The following FMNL2 variants were observed in gnomAD, a reference collection of about 807,000 sequenced individuals.
The protein encoded by FMNL2 is formin like 2.
In FMNL2, 51 loss-of-function variants were observed where a neutral mutation model predicts 130.2. The ratio of observed to expected loss-of-function variants is 0.39; its 90% CI spans 0.31 to 0.49. FMNL2 has a LOEUF of 0.49. Ranked by LOEUF, FMNL2 falls within the 20% of genes least tolerant of loss-of-function variation. FMNL2 has a pLI of 0.85. For synonymous variants in FMNL2, 465 were observed against 467.1 expected (o/e 1.00, Z 0.06); for missense variants, 977 against 1,316.2 (o/e 0.74, Z 3.99).
chr2:152,418,394 T>C (rs556775955), intron 1 of FMNL2, among the ~76,000 whole-genome samples: 1 of 152,298 alleles, frequency 6.6e-6, no homozygotes, highest in South Asian at 2.1e-4. Flanking sequence ...ATCTTCACCG[T>C]CTGTGTCCAG....
chr2:152,632,249 A>G, intron 21 of FMNL2, 112 bp downstream of exon 21: 1 of 1,420,906 alleles, frequency 7.0e-7, no homozygotes, highest in Non-Finnish European at 9.5e-7. Context: ...GCCAAGGCTA[A>G]GAAGTCAGAC....
intron 1 of FMNL2, among the ~76,000 whole-genome samples, chr2:152,361,932 T>C (rs900822216): frequency 5.9e-5 from 9 of 152,218 alleles, no homozygotes; most frequent in African/African-American, 1.4e-4. Flanking sequence ...ATGCCAACCA[T>C]ACCTATAAAT....
chr2:152,623,349 A>T (rs1008218378), intron 15 of FMNL2, among the ~76,000 whole-genome samples: 1 of 152,226 alleles, frequency 6.6e-6, no homozygotes, highest in East Asian at 1.9e-4. Flanking sequence ...CATCGAGAAC[A>T]TCTGTTTTCC....
chr2:152,484,470 T>A (rs1031483844), intron 1 of FMNL2, among the ~76,000 whole-genome samples: 1 of 150,686 alleles, frequency 6.6e-6, no homozygotes. Flanking sequence ...CAAGACTGTG[T>A]CTCTTGAAAA....
intron 1 of FMNL2, among the ~76,000 whole-genome samples, chr2:152,487,565 A>C (rs1225780434): frequency 6.6e-6 from 1 of 152,242 alleles, no homozygotes; most frequent in African/African-American, 2.4e-5. Context: ...TTAACTTAAA[A>C]GTGGAACCAA....
chr2:152,356,193 A>G (rs1204321590), intron 1 of FMNL2, among the ~76,000 whole-genome samples: 1 of 152,104 alleles, frequency 6.6e-6, no homozygotes, highest in Non-Finnish European at 1.5e-5. Flanking sequence ...CTGGAGTGCA[A>G]TGGCACATGG....
At chr2:152,480,705 T>C (rs1433068214) in intron 1 of FMNL2, among the ~76,000 whole-genome samples, 1 of 149,996 alleles carries the variant, frequency 6.7e-6, no homozygotes, top group Non-Finnish European at 1.5e-5. Context: ...AAAAAAAACT[T>C]TGGGGATAAT....
intron 21 of FMNL2, 133 bp downstream of exon 21, chr2:152,632,270 G>T: frequency 8.4e-7 from 1 of 1,197,270 alleles, no homozygotes. Flanking sequence ...ACACTGAGCT[G>T]GAACACATCG....
chr2:152,431,408 CA>C (rs1371331264), intron 1 of FMNL2, among the ~76,000 whole-genome samples: 1 of 152,154 alleles, frequency 6.6e-6, no homozygotes, highest in Non-Finnish European at 1.5e-5. Flanking sequence ...GTTGCATGTA[CA>C]TGGTTAATCC....
At chr2:152,522,101 C>G in intron 2 of FMNL2, 75 bp downstream of exon 2, 4 of 1,190,042 alleles carry the variant, frequency 3.4e-6, no homozygotes, top group Non-Finnish European at 4.8e-6. Flanking sequence ...TATGGTATGT[C>G]AATATCATGA....
At chr2:152,446,350 A>G (rs1688336628) in intron 1 of FMNL2, among the ~76,000 whole-genome samples, 1 of 152,232 alleles carries the variant, frequency 6.6e-6, no homozygotes, top group Non-Finnish European at 1.5e-5. Flanking sequence ...TCAAAAGCAT[A>G]TTGGAATATT....
At chr2:152,446,990 G>C (rs1337283459) in intron 1 of FMNL2, among the ~76,000 whole-genome samples, 1 of 152,062 alleles carries the variant, frequency 6.6e-6, no homozygotes, top group Non-Finnish European at 1.5e-5. Flanking sequence ...AAACTTTTCT[G>C]GGTGGCCCAG....
intron 1 of FMNL2, among the ~76,000 whole-genome samples, chr2:152,363,743 G>A (rs1287953725): frequency 6.6e-6 from 1 of 152,016 alleles, no homozygotes; most frequent in Admixed American, 6.6e-5. Flanking sequence ...TGTGTTTTTA[G>A]TAGAGATGGA....
intron 1 of FMNL2, among the ~76,000 whole-genome samples, chr2:152,381,129 A>G (rs1039227652): frequency 2.0e-5 from 3 of 152,202 alleles, no homozygotes. Flanking sequence ...TATTGATCAC[A>G]ACATATTTGT....
At chr2:152,546,832 G>T (rs1224478419) in intron 3 of FMNL2, among the ~76,000 whole-genome samples, 3 of 152,020 alleles carry the variant, frequency 2.0e-5, no homozygotes, top group Non-Finnish European at 4.4e-5. Context: ...ACAGCAGACT[G>T]CCTGCTCCAT....
intron 2 of FMNL2, among the ~76,000 whole-genome samples, chr2:152,533,546 CTT>C (rs35382323): frequency 0.23 from 26,458 of 114,570 alleles, 2,088 homozygotes; most frequent in Non-Finnish European, 0.27. Context: ...AATTCTCCAA[CTT>C]TTTTTTTTTT....
chr2:152,384,417 C>CGAT (rs1416702080), intron 1 of FMNL2, among the ~76,000 whole-genome samples: 1 of 152,050 alleles, frequency 6.6e-6, no homozygotes, highest in Non-Finnish European at 1.5e-5. Context: ...GTGTAGACAT[C>CGAT]GATATTGCTG....
At chr2:152,590,918 T>C (rs1393076854) in intron 9 of FMNL2, among the ~76,000 whole-genome samples, 1 of 148,650 alleles carries the variant, frequency 6.7e-6, no homozygotes, top group East Asian at 2.0e-4. Flanking sequence ...GTTTGGTAAG[T>C]AATAATCCCT....
Position 152,345,782 on chromosome 2 carries a change from A to C in FMNL2, c.117+10062A>C, listed in dbSNP as rs530717526. ...TCTACACCAACTAATTTGGCCATCCAGATGCGAACCTGGAGAAGCCATTTA... is the reference window on the plus strand; with the variant it reads ...TCTACACCAACTAATTTGGCCATCCCGATGCGAACCTGGAGAAGCCATTTA... On this transcript the variant is annotated intron_variant, in intron 1 of 25. Transcript: ENST00000288670. Among the ~76,000 whole-genome samples, 13 of 152,328 alleles carry C rather than the reference A, an allele frequency of 8.5e-5. No individual in the cohort carries two copies. The South Asian group carries it at 2.7e-3, about 32-fold the overall frequency.
Sources: allele counts gnomAD v4.1 joint callset (sites outside exome capture counted in the v4.1 genomes callset), GRCh38; gene constraint gnomAD v4.1.1; transcripts MANE v1.5; gene names NCBI Gene and HGNC (gene_info 2026-07-23, HGNC 2026-07-21).